TRIP12: variants seen among roughly 807,000 people sequenced by gnomAD.
TRIP12 encodes the protein thyroid hormone receptor interactor 12.
In TRIP12, 25 loss-of-function variants were observed where a neutral mutation model predicts 244.2. The ratio of observed to expected loss-of-function variants is 0.10; its 90% CI spans 0.07 to 0.14. The LOEUF is 0.14. Among genes scored for constraint, TRIP12 ranks in the 10% least tolerant of loss-of-function variants. The pLI is 1.00. For missense variants in TRIP12, 1,677 were observed against 2,486.4 expected, an observed-to-expected ratio of 0.67 and a Z score of 6.92; for synonymous variants, 905 against 873.1, an observed-to-expected ratio of 1.04 and a Z score of -0.64.
chr2:229,839,142 T>C (rs1380986612), intron 5 of TRIP12, among the ~76,000 whole-genome samples: 1 of 152,256 alleles, frequency 6.6e-6, no homozygotes, highest in African/African-American at 2.4e-5. Context: ...CTATTTTTAC[T>C]GTACCTTTTC....
rs192329033 is a variant in TRIP12, at chr2:229,895,561, G to A, written c.-49-15433C>T. Among the ~76,000 whole-genome samples, 16 of 137,274 alleles carry A rather than the reference G, an allele frequency of 1.2e-4. No homozygotes were observed. In the East Asian group the frequency reaches 3.4e-3, roughly 29 times the overall value. The allele number at this position is 137,274 out of a possible 152,430, so 90.1% of individuals were successfully genotyped here. ...AAGTCAAAAACAAAATAGGTGTGGC[G>A]GCCTATTAGACAAAGACAGCAAAGT... is the stretch of plus-strand genomic sequence containing the variant. On this transcript the variant is annotated intron_variant, in intron 1 of 41. Coordinates refer to ENST00000675903, the MANE Select transcript of TRIP12 (RefSeq NM_001348323.3).
chr2:229,805,222 A>AAAC lies in TRIP12; in HGVS notation c.2650+505_2650+507dup, dbSNP rs1297499840. 1.9e-3 allele frequency among the ~76,000 whole-genome samples: 279 copies of AAAC among 149,478 alleles called. 3 individuals are homozygous for AAAC. Among genetic ancestry groups the AAAC allele is most frequent in the Admixed American group, 3.1e-3 (46 of 14,910 alleles). ...GCCCAGCACTACCTGGCCCTTTTCA[A>AAAC]AACAACAACAACAACAACAACAACA... On this transcript the variant is annotated intron_variant, in intron 18 of 41. Transcript: ENST00000675903.
chr2:229,883,594 T>C (rs2065319084), intron 1 of TRIP12, among the ~76,000 whole-genome samples: 1 of 152,198 alleles, frequency 6.6e-6, no homozygotes, highest in South Asian at 2.1e-4. Context: ...TGGCCATACC[T>C]TCATTTCTGT....
intron 4 of TRIP12, among the ~76,000 whole-genome samples, chr2:229,857,821 C>T (rs1243964316): frequency 1.3e-5 from 2 of 152,156 alleles, no homozygotes; most frequent in Non-Finnish European, 2.9e-5. Context: ...TGTTTCTTTG[C>T]TTGAATGTAT....
chr2:229,829,110 A>C, intron 8 of TRIP12, 83 bp downstream of exon 8: 1 of 1,278,586 alleles, frequency 7.8e-7, no homozygotes. Flanking sequence ...AAAACTTCTT[A>C]ATACTTACAT....
chr2:229,825,472 T>C lies in TRIP12; in HGVS notation c.1450+3721A>G, dbSNP rs182027442. Among the ~76,000 whole-genome samples, 15 of 152,316 alleles carry C rather than the reference T, an allele frequency of 9.8e-5. No individual in the cohort carries two copies. The East Asian group carries it at 2.9e-3, about 29-fold the overall frequency. ...GAAATATCCAAGACTGGATAATTTA[T>C]AAAGAAAACAGGTTGAATTGACTCA... On this transcript the variant is annotated intron_variant, in intron 8 of 41. Transcript: ENST00000675903.
intron 1 of TRIP12, among the ~76,000 whole-genome samples, chr2:229,881,084 T>C (rs1472578000): frequency 6.6e-6 from 1 of 152,166 alleles, no homozygotes; most frequent in South Asian, 2.1e-4. Flanking sequence ...GCCGTGACCT[T>C]GGACAAAATA....
At chr2:229,820,407 T>C (rs2154289416) in intron 8 of TRIP12, among the ~76,000 whole-genome samples, 1 of 152,272 alleles carries the variant, frequency 6.6e-6, no homozygotes, top group South Asian at 2.1e-4. Context: ...ACCTGATTTA[T>C]CCTCTGATTT....
chr2:229,901,614 CTGTCT>C, intron 1 of TRIP12, among the ~76,000 whole-genome samples: 1 of 32,112 alleles, frequency 3.1e-5, no homozygotes, highest in African/African-American at 7.2e-5. Context: ...CAGAATGAGA[CTGTCT>C]GAAAAAAAAA....
intron 38 of TRIP12, among the ~76,000 whole-genome samples, chr2:229,772,884 A>G (rs1156766661): frequency 6.6e-6 from 1 of 152,134 alleles, no homozygotes; most frequent in Non-Finnish European, 1.5e-5. Context: ...AGGTCAGTTC[A>G]AGGGGTAGAT....
chr2:229,796,563 G>T, intron 25 of TRIP12, 28 bp downstream of exon 25: 5 of 1,529,184 alleles, frequency 3.3e-6, no homozygotes, highest in Non-Finnish European at 4.4e-6. Flanking sequence ...ATTCTTAAAA[G>T]ATACACAGGC....
chr2:229,810,172 C>G (rs879714016), intron 15 of TRIP12, among the ~76,000 whole-genome samples: 1 of 152,084 alleles, frequency 6.6e-6, no homozygotes, highest in Non-Finnish European at 1.5e-5. Context: ...ACAGCCTAGG[C>G]AATACAGTGA....
Position 229,771,182 on chromosome 2 carries a change from GTC to G in TRIP12, c.5808+335_5808+336del, listed in dbSNP as rs544283097. Among the ~76,000 whole-genome samples, 371 of 152,330 alleles carry G rather than the reference GTC, an allele frequency of 2.4e-3. 1 individual carries two copies. The highest frequency in any genetic ancestry group is 3.8e-3 in the Non-Finnish European group (256 of 68,034). ...AGGAATAAAGTCAAGCCCCCTCCAT[GTC>G]TCTCTTTGCTTCCACAGCAGTACAG... On this transcript the variant is annotated intron_variant, in intron 39 of 41. Transcript: ENST00000675903.
intron 13 of TRIP12, among the ~76,000 whole-genome samples, chr2:229,811,930 A>C (rs1026628705): frequency 1.1e-4 from 16 of 152,346 alleles, no homozygotes; most frequent in Middle Eastern, 3.4e-3. Context: ...CTTCACTGAC[A>C]CTACATAAAT....
intron 27 of TRIP12, 40 bp from the exon 28 acceptor site, chr2:229,792,266 A>G (rs2041724300): frequency 6.3e-7 from 1 of 1,580,660 alleles, no homozygotes; most frequent in Non-Finnish European, 8.6e-7. Flanking sequence ...TAGCGATTTT[A>G]GGTGTAAAAA....
Position 229,767,493 on chromosome 2 carries a change from A to G in TRIP12, c.*61T>C. 1 of 1,521,684 alleles carries G rather than the reference A, an allele frequency of 6.6e-7. No individual in the cohort carries two copies. Among genetic ancestry groups the G allele is most frequent in the Non-Finnish European group, 8.8e-7 (1 of 1,134,660 alleles). The allele number at this position is 1,521,684 out of a possible 1,614,324, so 94.3% of individuals were successfully genotyped here. A position where few individuals can be genotyped will look rare whatever the true frequency, so the allele number is the denominator to read the frequency against. Reference sequence around the variant, plus strand: ...TCCTTGACTCAGGTGATAACATTAGAAAAGAAATCATGATTTGTTTCTTTT... The same window carrying G: ...TCCTTGACTCAGGTGATAACATTAGGAAAGAAATCATGATTTGTTTCTTTT... On this transcript the variant is annotated 3_prime_UTR_variant, in exon 42 of 42. Coordinates refer to ENST00000675903, the MANE Select transcript of TRIP12 (RefSeq NM_001348323.3).
intron 1 of TRIP12, among the ~76,000 whole-genome samples, chr2:229,917,780 C>T (rs1048924944): frequency 6.6e-6 from 1 of 152,182 alleles, no homozygotes; most frequent in Non-Finnish European, 1.5e-5. Context: ...AACTTCAAAT[C>T]TCTGGGTTCA....
intron 24 of TRIP12, among the ~76,000 whole-genome samples, 164 bp from the exon 25 acceptor site, chr2:229,796,946 AC>A (rs1171351185): frequency 5.4e-5 from 2 of 37,124 alleles, no homozygotes; most frequent in South Asian, 5.5e-4. Context: ...ATGATTTTAA[AC>A]ACACACACAC....
chr2:229,871,187 G>A (rs1310889456), intron 2 of TRIP12, among the ~76,000 whole-genome samples: 2 of 148,702 alleles, frequency 1.3e-5, no homozygotes, highest in Admixed American at 6.7e-5. Context: ...AAGAAGAGAG[G>A]GGAGGAGAGG....
Sources: allele counts gnomAD v4.1 joint callset (sites outside exome capture counted in the v4.1 genomes callset), GRCh38; gene constraint gnomAD v4.1.1; transcripts MANE v1.5; gene names NCBI Gene and HGNC (gene_info 2026-07-23, HGNC 2026-07-21).